SLC39A6: variants seen among roughly 807,000 people sequenced by gnomAD.
SLC39A6 encodes the protein zinc transporter ZIP6.
Under a neutral mutation model 63.5 loss-of-function variants are expected in SLC39A6, and 51 were observed. The ratio of observed to expected loss-of-function variants is 0.80; its 90% confidence interval spans 0.64 to 1.01. The LOEUF is 1.01. Among genes scored for constraint, SLC39A6 ranks in the 50% least tolerant of loss-of-function variants. The pLI is 0.00. For synonymous variants in SLC39A6, 318 were observed against 324.7 expected (o/e 0.98, Z 0.22); for missense variants, 805 against 927.8 (o/e 0.87, Z 1.72).
rs1272303722 is a variant in SLC39A6, at chr18:36,109,524, A to G, written c.*69T>C. On this transcript the variant is annotated 3_prime_UTR_variant, in exon 10 of 10. Transcript: ENST00000269187. ...TTAAACGCTGCATAGTACAGCATAC[A>G]AACTCATCTCCCTATGACCTACTGA... The G allele has an allele frequency of 1.6e-6, 2 of 1,288,452 alleles. No homozygotes were observed. Among genetic ancestry groups the G allele is most frequent in the African/African-American group, 1.5e-5 (1 of 67,400 alleles). 79.8% of individuals were successfully genotyped at this position (1,288,452 alleles called of 1,614,324 possible). A position where few individuals can be genotyped will look rare whatever the true frequency, so the allele number is the denominator to read the frequency against.
In SLC39A6 at chr18:36,116,774, C is replaced by T. The variant is rs2089349121; in HGVS notation, c.1365G>A (p.Gln455=). The T allele has an allele frequency of 6.2e-7, 1 of 1,607,260 alleles. No individual in the cohort carries two copies. Among genetic ancestry groups the T allele is most frequent in the Non-Finnish European group, 8.5e-7 (1 of 1,174,906 alleles). The change falls in exon 6 of 10, where the codon CAG becomes CAA. Residue 455 remains glutamine, a synonymous_variant. Coordinates refer to ENST00000269187, the MANE Select transcript of SLC39A6 (RefSeq NM_012319.4). ...CATCATCATCATTTTCAGGTTTCTT[C>T]TGATTCTAAAATAGTGAGGGAAAAC... is the stretch of plus-strand genomic sequence containing the variant. ...KQFKDKKKKN[Q]KKPENDDDVE...
chr18:36,126,661 T>G lies in SLC39A6; in HGVS notation c.347A>C (p.His116Pro). ...AGAGTGATGCTCGTGCTCTGAGTGA[T>G]GCTCATGGTCTGAGTGACGCTCATG... ...SDHERHSDHE[H>P]HSEHEHHSDH... is the part of the protein sequence containing the mutation. The change falls in exon 2 of 10, where the codon CAT becomes CCT. Residue 116 changes from histidine to proline, a missense_variant. By Grantham distance (77) the His-to-Pro change is moderately conservative. Coordinates refer to ENST00000269187, the MANE Select transcript of SLC39A6 (RefSeq NM_012319.4). 1 of 1,598,038 alleles carries G rather than the reference T, an allele frequency of 6.3e-7. No individual in the cohort carries two copies. The highest frequency in any genetic ancestry group is 8.5e-7 in the Non-Finnish European group (1 of 1,170,608).
intron 5 of SLC39A6, among the ~76,000 whole-genome samples, chr18:36,118,555 GC>G (rs1190387710): frequency 6.6e-6 from 1 of 152,136 alleles, no homozygotes; most frequent in Non-Finnish European, 1.5e-5. Context: ...CCAGGAAGGG[GC>G]CAGCACTGTT....
At chr18:36,120,025 C>G (rs764882344) in intron 5 of SLC39A6, among the ~76,000 whole-genome samples, 1 of 151,874 alleles carries the variant, frequency 6.6e-6, no homozygotes, top group Non-Finnish European at 1.5e-5. Flanking sequence ...AAGAAAACAA[C>G]CCAATCCCCA....
chr18:36,123,520 T>C lies in SLC39A6; in HGVS notation c.1115A>G (p.Asp372Gly), dbSNP rs1181316550. The C allele has an allele frequency of 6.2e-7, 1 of 1,611,888 alleles. No individual in the cohort carries two copies. Among genetic ancestry groups the C allele is most frequent in the Non-Finnish European group, 8.5e-7 (1 of 1,179,466 alleles). ...VALAVGTLSG[D>G]AFLHLLPHSH... ...ATGTGGAAGAAGGTGTAAAAAAGCA[T>C]CACCACTCAAAGTCCCAACGGCCAG... is the stretch of plus-strand genomic sequence containing the variant. The change falls in exon 4 of 10, where the codon GAT (aspartate) becomes GGT (glycine). Residue 372 changes from aspartate to glycine, a missense_variant. Physicochemically the swap from Asp to Gly is moderately conservative, Grantham distance 94. Transcript: ENST00000269187.
In SLC39A6 at chr18:36,114,139, T is replaced by G. The variant is rs1169497133; in HGVS notation, c.1801A>C (p.Met601Leu). 6.2e-7 allele frequency: 1 copy of G among 1,613,600 alleles called. No individual in the cohort carries two copies. The highest frequency in any genetic ancestry group is 1.7e-5 in the Admixed American group (1 of 59,986). The change falls in exon 7 of 10, where the codon ATG (methionine) becomes CTG (leucine). Residue 601 changes from methionine to leucine, a missense_variant. Around this residue, in one of 4 missense-constraint regions of SLC39A6, gnomAD observed 145 missense variants for 227.2 expected, o/e 0.64. Transcript: ENST00000269187. ...GVATLAWMVIMGDGLHNFSDG... is the reference protein window; with the variant it reads ...GVATLAWMVILGDGLHNFSDG... Reference sequence around the variant, plus strand: ...CTGAAATTGTGCAGGCCATCACCCATTATCACCATCCAGGCCAGAGTGGCG... The same window carrying G: ...CTGAAATTGTGCAGGCCATCACCCAGTATCACCATCCAGGCCAGAGTGGCG...
chr18:36,126,092 TG>T (rs909325063), intron 2 of SLC39A6, 126 bp downstream of exon 2: 2 of 951,596 alleles, frequency 2.1e-6, no homozygotes, highest in Non-Finnish European at 3.2e-6. Context: ...GCTGAGAAGG[TG>T]GAAATTCCCT....
intron 1 of SLC39A6, among the ~76,000 whole-genome samples, chr18:36,128,655 C>T (rs1055421717): frequency 1.3e-5 from 2 of 152,156 alleles, no homozygotes; most frequent in South Asian, 4.1e-4. Flanking sequence ...AGCTCCGAGC[C>T]TTTCTCCAGG....
At chr18:36,120,228 C>T (rs991896196) in intron 5 of SLC39A6, among the ~76,000 whole-genome samples, 2 of 150,208 alleles carry the variant, frequency 1.3e-5, no homozygotes, top group African/African-American at 4.9e-5. Context: ...TCCCAGTACT[C>T]ACCATATAAT....
chr18:36,118,085 T>C (rs560751662), intron 5 of SLC39A6, among the ~76,000 whole-genome samples: 5 of 151,594 alleles, frequency 3.3e-5, no homozygotes, highest in African/African-American at 1.2e-4. Context: ...ATCCTGAATA[T>C]AATGCCTCAA....
chr18:36,122,047 C>T lies in SLC39A6; in HGVS notation c.1359+5G>A. 1 of 1,590,860 alleles carries T rather than the reference C, an allele frequency of 6.3e-7. No homozygotes were observed. Among genetic ancestry groups the T allele is most frequent in the Admixed American group, 1.7e-5 (1 of 59,086 alleles). On this transcript the variant is annotated splice_donor_5th_base_variant and intron_variant, in intron 5 of 9. Transcript: ENST00000269187. ...ATAGTAAGTACTCGGTATACTTTTT[C>T]TTACCTTTTTCTTCTTATCTTTAAA... is the stretch of plus-strand genomic sequence containing the variant.
intron 3 of SLC39A6, 70 bp from the exon 4 acceptor site, chr18:36,123,734 G>T: frequency 1.4e-6 from 2 of 1,446,242 alleles, no homozygotes; most frequent in Admixed American, 4.8e-5. Flanking sequence ...AAGACTTTTG[G>T]AGAGTAGCAT....
rs3737467 is a variant in SLC39A6 at position 36,121,903 on chromosome 18, C to A, written c.1359+149G>T. The A allele has an allele frequency of 1.8e-5, 11 of 601,314 alleles. No homozygotes were observed. The African/African-American group carries it at 2.0e-4, about 11-fold the overall frequency. The allele number at this position is 601,314 out of a possible 1,614,324, so 37.2% of individuals were successfully genotyped here. On this transcript the variant is annotated intron_variant, in intron 5 of 9. Transcript: ENST00000269187. ...ATATAGAAATGCTCCTCATAAATAT[C>A]TCTGGGACCAAAAAGTACTTCAAGG...
chr18:36,122,559 A>G (rs2089403269), intron 4 of SLC39A6, among the ~76,000 whole-genome samples: 1 of 152,208 alleles, frequency 6.6e-6, no homozygotes, highest in African/African-American at 2.4e-5. Flanking sequence ...AATAACAGGA[A>G]TACTAGACTT....
intron 5 of SLC39A6, among the ~76,000 whole-genome samples, chr18:36,117,892 G>T (rs1228866082): frequency 1.3e-5 from 2 of 152,068 alleles, no homozygotes. Flanking sequence ...TTAGCCGGGC[G>T]TGTTGGCGGG....
Position 36,123,665 on chromosome 18 carries a change from C to T in SLC39A6, c.971-1G>A, listed in dbSNP as rs2089412423. 6.3e-7 allele frequency: 1 copy of T among 1,596,456 alleles called. No homozygotes were observed. Among genetic ancestry groups the T allele is most frequent in the Non-Finnish European group, 8.5e-7 (1 of 1,175,492 alleles). On this transcript the variant is annotated splice_acceptor_variant, in intron 3 of 9. Transcript: ENST00000269187. LOFTEE classifies it high-confidence loss of function. Reference sequence around the variant, plus strand: ...ATGGCTATAAAACCACCAACCCAGGCTGTCAAACAAAACAAAACAGAGCAA... The same window carrying T: ...ATGGCTATAAAACCACCAACCCAGGTTGTCAAACAAAACAAAACAGAGCAA...
rs2089282726 is a variant in SLC39A6, at chr18:36,109,330, G to C, written c.*263C>G. The C allele has an allele frequency of 3.8e-6, 1 of 264,398 alleles. No homozygotes were observed. Among genetic ancestry groups the C allele is most frequent in the African/African-American group, 2.2e-5 (1 of 45,000 alleles). The allele number at this position is 264,398 out of a possible 1,614,324, so 16.4% of individuals were successfully genotyped here. On this transcript the variant is annotated 3_prime_UTR_variant, in exon 10 of 10. Coordinates refer to ENST00000269187, the MANE Select transcript of SLC39A6 (RefSeq NM_012319.4). Reference sequence around the variant, plus strand: ...AAGACATTTTTCCCTGAAACATACAGAACATGTCATGCCAAATCTCTTGTT... The same window carrying C: ...AAGACATTTTTCCCTGAAACATACACAACATGTCATGCCAAATCTCTTGTT...
At chr18:36,127,303 G>A (rs1208037820) in intron 1 of SLC39A6, among the ~76,000 whole-genome samples, 2 of 152,132 alleles carry the variant, frequency 1.3e-5, no homozygotes, top group Non-Finnish European at 2.9e-5. Flanking sequence ...AGATCCATGT[G>A]GCCACAGCCA....
chr18:36,110,886 G>C, intron 9 of SLC39A6, 173 bp downstream of exon 9: 6 of 1,098,050 alleles, frequency 5.5e-6, no homozygotes, highest in Non-Finnish European at 7.6e-6. Context: ...AGCTACTCAG[G>C]AGGCTGAGAT....
Sources: gnomAD v4.1 joint callset for allele counts (sites outside exome capture counted in the v4.1 genomes callset) on GRCh38, gnomAD v4.1.1 for gene constraint, gnomAD v4.1.1 regional missense constraint, MANE v1.5 for transcripts, NCBI Gene and HGNC (gene_info 2026-07-23, HGNC 2026-07-21) for gene names.